ARL15: variants seen among roughly 807,000 people sequenced by gnomAD.
ARL15 encodes ARF like GTPase 15, also known as ADP-ribosylation factor-like protein 15.
Under a neutral mutation model 25.2 loss-of-function variants are expected in ARL15, and 19 were observed. The ratio of observed to expected loss-of-function variants is 0.75; its 90% confidence interval spans 0.53 to 1.10. The LOEUF (loss-of-function observed/expected upper bound fraction) is 1.10, where lower values mean the gene tolerates loss of function less well. Ranked by LOEUF, ARL15 falls within the 50% of genes least tolerant of loss-of-function variation. The probability of loss-of-function intolerance (pLI) is 0.00; values close to 1 mark genes in which losing one functional copy is unlikely to be tolerated. For missense variants in ARL15, 220 were observed against 246.0 expected, an observed-to-expected ratio of 0.89 and a Z score of 0.71; for synonymous variants, 94 against 86.8, an observed-to-expected ratio of 1.08 and a Z score of -0.46.
intron 4 of ARL15, among the ~76,000 whole-genome samples, chr5:54,092,472 AC>A (rs1374137036): frequency 1.3e-5 from 2 of 152,214 alleles, no homozygotes; most frequent in Non-Finnish European, 2.9e-5. Context: ...AAAAAAGCAA[AC>A]AAAAAATAAA....
intron 4 of ARL15, among the ~76,000 whole-genome samples, chr5:54,065,617 G>A (rs1033523183): frequency 1.3e-5 from 2 of 152,110 alleles, no homozygotes; most frequent in Non-Finnish European, 2.9e-5. Flanking sequence ...GCAGTGAGCC[G>A]AGATCACGCC....
chr5:53,998,604 CA>C (rs1291190859), intron 4 of ARL15, among the ~76,000 whole-genome samples: 1 of 152,132 alleles, frequency 6.6e-6, no homozygotes, highest in African/African-American at 2.4e-5. Flanking sequence ...GTTAGAGATG[CA>C]AAAGAATAAA....
intron 3 of ARL15, among the ~76,000 whole-genome samples, chr5:54,130,369 C>CGT (rs1753394013): frequency 6.6e-6 from 1 of 152,138 alleles, no homozygotes; most frequent in Non-Finnish European, 1.5e-5. Context: ...TAATGCAACA[C>CGT]CCAGTGACGA....
chr5:54,107,243 C>T (rs574215243), intron 4 of ARL15, among the ~76,000 whole-genome samples: 37 of 152,166 alleles, frequency 2.4e-4, no homozygotes, highest in South Asian at 8.3e-4. Context: ...CTCCTGGCTC[C>T]CTCCCACAAC....
chr5:54,008,952 C>A (rs999091632), intron 4 of ARL15, among the ~76,000 whole-genome samples: 3 of 152,090 alleles, frequency 2.0e-5, no homozygotes, highest in Non-Finnish European at 2.9e-5. Context: ...TGTAAGATTA[C>A]AGAACTAGAC....
At chr5:54,095,204 T>C (rs1752249126) in intron 4 of ARL15, among the ~76,000 whole-genome samples, 1 of 152,172 alleles carries the variant, frequency 6.6e-6, no homozygotes, top group Non-Finnish European at 1.5e-5. Context: ...AGGGCATGAA[T>C]TTAATAAGAG....
chr5:53,922,497 T>A (rs1370098642), intron 4 of ARL15, among the ~76,000 whole-genome samples: 2 of 151,824 alleles, frequency 1.3e-5, no homozygotes, highest in Non-Finnish European at 2.9e-5. Flanking sequence ...GAGGAACATT[T>A]AAGATATTAA....
intron 4 of ARL15, among the ~76,000 whole-genome samples, chr5:54,100,107 A>T (rs906131680): frequency 3.3e-5 from 5 of 152,186 alleles, no homozygotes; most frequent in Non-Finnish European, 7.4e-5. Context: ...ATCACAAAAA[A>T]TCTAGAAAGA....
At chr5:53,914,297 A>C (rs1266700924) in intron 4 of ARL15, among the ~76,000 whole-genome samples, 1 of 152,164 alleles carries the variant, frequency 6.6e-6, no homozygotes, top group African/African-American at 2.4e-5. Flanking sequence ...GAAAGCCTTA[A>C]GGAAAAAAAA....
intron 1 of ARL15, among the ~76,000 whole-genome samples, chr5:54,229,181 T>C (rs1447963311): frequency 3.3e-5 from 5 of 152,176 alleles, no homozygotes; most frequent in Non-Finnish European, 5.9e-5. Flanking sequence ...CATCCAACTA[T>C]AGCCTTCCTA....
At chr5:54,281,896 T>G (rs1294705750) in intron 1 of ARL15, among the ~76,000 whole-genome samples, 2 of 152,338 alleles carry the variant, frequency 1.3e-5, no homozygotes, top group African/African-American at 4.8e-5. Flanking sequence ...ACACAATCAT[T>G]TTTTCATATA....
At position 53,885,030 on chromosome 5, in the gene ARL15, T is replaced by A. The variant is rs1744474522; in HGVS notation, c.*1531A>T. The A allele has an allele frequency of 6.6e-6, 1 of 152,460 alleles. No individual in the cohort carries two copies. The highest frequency in any genetic ancestry group is 6.6e-5 in the Admixed American group (1 of 15,260). 9.4% of individuals were successfully genotyped at this position (152,460 alleles called of 1,614,324 possible). On this transcript the variant is annotated 3_prime_UTR_variant, in exon 5 of 5. Coordinates refer to ENST00000504924, the MANE Select transcript of ARL15 (RefSeq NM_019087.3). The stretch of plus-strand genomic sequence containing the variant: ...TTCAAAGGTAATGATTTCATTACAA[T>A]CTACTCATAAGATTAAACCACAAAA...
chr5:54,112,958 A>G (rs150054817), intron 4 of ARL15, among the ~76,000 whole-genome samples: 41 of 152,334 alleles, frequency 2.7e-4, no homozygotes, highest in Non-Finnish European at 5.0e-4. Context: ...GAAAAATATA[A>G]CCAGAAACAT....
intron 4 of ARL15, among the ~76,000 whole-genome samples, chr5:54,074,117 T>C (rs1170938115): frequency 6.6e-6 from 1 of 152,348 alleles, no homozygotes; most frequent in Non-Finnish European, 1.5e-5. Context: ...TACTGTTGAC[T>C]AGCATCTTTA....
chr5:54,080,471 G>A (rs867889313), intron 4 of ARL15, among the ~76,000 whole-genome samples: 5 of 152,032 alleles, frequency 3.3e-5, no homozygotes, highest in Non-Finnish European at 5.9e-5. Context: ...TTTAGGTATG[G>A]CTATAAAATC....
At chr5:53,978,968 G>C (rs17251005) in intron 4 of ARL15, among the ~76,000 whole-genome samples, 15,963 of 152,054 alleles carry the variant, frequency 0.1, 1,030 homozygotes, top group Middle Eastern at 0.15. Context: ...AATTTGTAAG[G>C]GTAGAATATT....
At chr5:53,899,955 C>T (rs1460862279) in intron 4 of ARL15, among the ~76,000 whole-genome samples, 2 of 152,156 alleles carry the variant, frequency 1.3e-5, no homozygotes, top group African/African-American at 2.4e-5. Flanking sequence ...CTTGTAGCAA[C>T]CACTTCTAGT....
intron 4 of ARL15, among the ~76,000 whole-genome samples, chr5:53,966,617 T>C (rs1747574847): frequency 6.6e-6 from 1 of 152,124 alleles, no homozygotes; most frequent in African/African-American, 2.4e-5. Context: ...AGTGGTGGGA[T>C]TGAATTGGAG....
At chr5:54,086,220 C>T (rs2112126908) in intron 4 of ARL15, among the ~76,000 whole-genome samples, 1 of 152,238 alleles carries the variant, frequency 6.6e-6, no homozygotes, top group South Asian at 2.1e-4. Context: ...GGCCTCTACA[C>T]ATAAGCTTTA....
Sources: gnomAD v4.1 joint callset for allele counts (sites outside exome capture counted in the v4.1 genomes callset) on GRCh38, gnomAD v4.1.1 for gene constraint, MANE v1.5 for transcripts, NCBI Gene and HGNC (gene_info 2026-07-23, HGNC 2026-07-21) for gene names.